The following FSTL5 variants were observed in gnomAD, a reference collection of about 807,000 sequenced individuals.
FSTL5 encodes follistatin-related protein 5.
A neutral mutation model predicts 89.1 loss-of-function variants in FSTL5; 62 were observed. The ratio of observed to expected loss-of-function variants is 0.70; its 90% CI spans 0.57 to 0.86. FSTL5 has a LOEUF of 0.86. Among genes scored for constraint, FSTL5 ranks in the 40% least tolerant of loss-of-function variants. FSTL5 has a pLI of 0.00. For synonymous variants in FSTL5, 383 were observed against 346.2 expected, an observed-to-expected ratio of 1.11 and a Z score of -1.18; for missense variants, 1,057 against 1,001.6, an observed-to-expected ratio of 1.06 and a Z score of -0.75.
At chr4:162,041,575 A>G (rs1448955849) in intron 2 of FSTL5, among the ~76,000 whole-genome samples, 8 of 152,166 alleles carry the variant, frequency 5.3e-5, no homozygotes, top group African/African-American at 1.9e-4. Flanking sequence ...ATGTGAAGTT[A>G]TTCATTCCAA....
chr4:161,921,664 C>A (rs934468441), intron 3 of FSTL5, among the ~76,000 whole-genome samples: 6 of 151,978 alleles, frequency 3.9e-5, no homozygotes, highest in African/African-American at 1.4e-4. Context: ...ATATTCTCAG[C>A]TGTTTGTTTA....
intron 7 of FSTL5, among the ~76,000 whole-genome samples, chr4:161,641,606 C>T (rs1243030015): frequency 1.3e-5 from 2 of 151,850 alleles, no homozygotes; most frequent in African/African-American, 2.4e-5. Flanking sequence ...ATTCTCCTCC[C>T]TCAGCCTCCC....
At chr4:161,787,721 T>C (rs1224226864) in intron 4 of FSTL5, among the ~76,000 whole-genome samples, 3 of 152,184 alleles carry the variant, frequency 2.0e-5, no homozygotes, top group Non-Finnish European at 4.4e-5. Flanking sequence ...TGTCTGTGTG[T>C]GCATACATAC....
At chr4:161,767,291 A>G (rs1379939709) in intron 5 of FSTL5, among the ~76,000 whole-genome samples, 7 of 152,194 alleles carry the variant, frequency 4.6e-5, no homozygotes, top group Non-Finnish European at 1.0e-4. Context: ...CAAAACCACA[A>G]ATGTGTTGTG....
At position 161,550,729 on chromosome 4, in the gene FSTL5, C is replaced by T. The variant is rs892550690; in HGVS notation, c.1016-8036G>A. On this transcript the variant is annotated intron_variant, in intron 8 of 15. Coordinates refer to ENST00000306100, the MANE Select transcript of FSTL5 (RefSeq NM_020116.5). Reference sequence around the variant, plus strand: ...GGTATATCTCCCAATGCTATCCCTCCCCCATCCCCGCACCCCACCACAGTC... The same window carrying T: ...GGTATATCTCCCAATGCTATCCCTCTCCCATCCCCGCACCCCACCACAGTC... Among the ~76,000 whole-genome samples, 22 of 152,016 alleles carry T rather than the reference C, an allele frequency of 1.4e-4. No individual in the cohort carries two copies. In the East Asian group the frequency reaches 4.3e-3, roughly 30 times the overall value.
At chr4:162,054,893 A>G (rs1322078906) in intron 2 of FSTL5, among the ~76,000 whole-genome samples, 1 of 151,880 alleles carries the variant, frequency 6.6e-6, no homozygotes, top group African/African-American at 2.4e-5. Context: ...AAGTTGCAAA[A>G]CTACCTTTTG....
chr4:162,034,415 T>C (rs141440453), intron 2 of FSTL5, among the ~76,000 whole-genome samples: 3 of 152,002 alleles, frequency 2.0e-5, no homozygotes, highest in Admixed American at 6.5e-5. Context: ...TTTGCTTTAG[T>C]TTAACTTAGA....
At chr4:161,569,351 T>C (rs985697669) in intron 8 of FSTL5, among the ~76,000 whole-genome samples, 4 of 152,156 alleles carry the variant, frequency 2.6e-5, no homozygotes, top group African/African-American at 9.7e-5. Context: ...CTGTTTCAAA[T>C]ACCAGAATTA....
At chr4:161,416,760 G>A (rs1366217670) in intron 15 of FSTL5, among the ~76,000 whole-genome samples, 1 of 151,134 alleles carries the variant, frequency 6.6e-6, no homozygotes, top group African/African-American at 2.4e-5. Flanking sequence ...GAGGAGAATG[G>A]CATGAACCCG....
At chr4:162,008,522 G>A (rs944916629) in intron 3 of FSTL5, among the ~76,000 whole-genome samples, 1 of 151,778 alleles carries the variant, frequency 6.6e-6, no homozygotes, top group African/African-American at 2.4e-5. Context: ...TCTGGAGATG[G>A]TCTAAAACTC....
intron 3 of FSTL5, among the ~76,000 whole-genome samples, chr4:161,983,078 T>C (rs947302421): frequency 6.6e-6 from 1 of 152,210 alleles, no homozygotes; most frequent in Non-Finnish European, 1.5e-5. Context: ...GTTCCAGTTT[T>C]TGTACGCATT....
chr4:162,158,471 G>T (rs1299672456), intron 1 of FSTL5, among the ~76,000 whole-genome samples: 1 of 152,068 alleles, frequency 6.6e-6, no homozygotes, highest in African/African-American at 2.4e-5. Flanking sequence ...TTAAGGAATA[G>T]TCTTGGGGAA....
intron 8 of FSTL5, among the ~76,000 whole-genome samples, chr4:161,545,711 G>A (rs1731981999): frequency 6.6e-6 from 1 of 151,854 alleles, no homozygotes; most frequent in Non-Finnish European, 1.5e-5. Context: ...CCATTTAAGT[G>A]GCCACAAAAT....
At chr4:161,406,184 C>A (rs769798447) in intron 15 of FSTL5, among the ~76,000 whole-genome samples, 4 of 152,128 alleles carry the variant, frequency 2.6e-5, no homozygotes, top group Admixed American at 6.5e-5. Context: ...AAAATGAAGT[C>A]AATGTTATTG....
chr4:161,788,322 G>A (rs930398386), intron 4 of FSTL5, among the ~76,000 whole-genome samples: 15 of 151,948 alleles, frequency 9.9e-5, no homozygotes, highest in African/African-American at 3.4e-4. Context: ...GCTGACTATG[G>A]TTACCTTATT....
chr4:161,723,719 C>T (rs1185200358), intron 6 of FSTL5, among the ~76,000 whole-genome samples: 4 of 152,104 alleles, frequency 2.6e-5, no homozygotes, highest in Non-Finnish European at 5.9e-5. Flanking sequence ...GAAACTAACA[C>T]TATCCAGTGT....
chr4:162,145,207 G>T (rs1034788887), intron 1 of FSTL5, among the ~76,000 whole-genome samples: 13 of 151,860 alleles, frequency 8.6e-5, no homozygotes, highest in African/African-American at 2.9e-4. Flanking sequence ...TAAAATATGA[G>T]AATTTATTTT....
intron 4 of FSTL5, among the ~76,000 whole-genome samples, chr4:161,899,643 G>A (rs114931040): frequency 0.017 from 2,554 of 152,280 alleles, 77 homozygotes; most frequent in African/African-American, 0.058. Context: ...ATATAGTGAT[G>A]AAAAATCAAA....
At chr4:162,011,183 G>C (rs913509752) in intron 3 of FSTL5, among the ~76,000 whole-genome samples, 2 of 152,076 alleles carry the variant, frequency 1.3e-5, no homozygotes, top group African/African-American at 4.8e-5. Context: ...TTTGGAGTTA[G>C]GGGAACACTC....
Sources: allele counts gnomAD v4.1 joint callset (sites outside exome capture counted in the v4.1 genomes callset), GRCh38; gene constraint gnomAD v4.1.1; transcripts MANE v1.5; gene names NCBI Gene and HGNC (gene_info 2026-07-23, HGNC 2026-07-21).